PTPRG: variants seen among roughly 807,000 people sequenced by gnomAD.
PTPRG encodes protein tyrosine phosphatase receptor type G, also known as receptor-type tyrosine-protein phosphatase gamma.
Under a neutral mutation model 165.3 loss-of-function variants are expected in PTPRG, and 102 were observed. That is an observed-to-expected ratio of 0.62 (90% CI 0.53 to 0.73). The LOEUF is 0.73. Among genes scored for constraint, PTPRG ranks in the 30% least tolerant of loss-of-function variants. The pLI is 0.00. For synonymous variants in PTPRG, 675 were observed against 669.5 expected (o/e 1.01, Z -0.13); for missense variants, 1,866 against 1,861.4 (o/e 1.00, Z -0.05).
Position 62,253,662 on chromosome 3 carries a change from A to G in PTPRG, c.2468-1462A>G, listed in dbSNP as rs960489592. Reference sequence around the variant, plus strand: ...GCATTCTGCTAAATATTCTGGAGAAACATTTTGGCTCCGCTTACTCTGTTA... The same window carrying G: ...GCATTCTGCTAAATATTCTGGAGAAGCATTTTGGCTCCGCTTACTCTGTTA... On this transcript the variant is annotated intron_variant, in intron 15 of 29. Coordinates refer to ENST00000474889, the MANE Select transcript of PTPRG (RefSeq NM_002841.4). Among the ~76,000 whole-genome samples, 5 of 152,168 alleles carry G rather than the reference A, an allele frequency of 3.3e-5. No individual in the cohort carries two copies. The East Asian group carries it at 9.6e-4, about 29-fold the overall frequency.
intron 2 of PTPRG, among the ~76,000 whole-genome samples, chr3:61,779,791 A>G (rs1361116036): frequency 6.6e-6 from 1 of 152,010 alleles, no homozygotes; most frequent in Non-Finnish European, 1.5e-5. Flanking sequence ...TTGCATGCTG[A>G]CCTGCTGTCC....
intron 2 of PTPRG, among the ~76,000 whole-genome samples, chr3:61,901,261 A>C (rs2038492264): frequency 6.6e-6 from 1 of 152,228 alleles, no homozygotes; most frequent in Non-Finnish European, 1.5e-5. Context: ...TACAGATAAC[A>C]CAGTATGATG....
At chr3:61,620,627 CT>C (rs577948870) in intron 1 of PTPRG, among the ~76,000 whole-genome samples, 67 of 149,796 alleles carry the variant, frequency 4.5e-4, no homozygotes, top group Middle Eastern at 3.4e-3. Flanking sequence ...TTAACAGTTA[CT>C]TTTTTTTTTC....
At chr3:61,563,639 G>A (rs1699827218) in intron 1 of PTPRG, among the ~76,000 whole-genome samples, 1 of 152,230 alleles carries the variant, frequency 6.6e-6, no homozygotes. Flanking sequence ...ATACCCGGAG[G>A]TGGAGGTTAT....
At chr3:61,646,740 T>C (rs1266926431) in intron 1 of PTPRG, among the ~76,000 whole-genome samples, 1 of 152,088 alleles carries the variant, frequency 6.6e-6, no homozygotes, top group Non-Finnish European at 1.5e-5. Flanking sequence ...AGCATCACAA[T>C]CTAGATACAG....
At chr3:61,800,147 G>C (rs748954388) in intron 2 of PTPRG, among the ~76,000 whole-genome samples, 1 of 152,152 alleles carries the variant, frequency 6.6e-6, no homozygotes, top group Non-Finnish European at 1.5e-5. Context: ...AATATTGTGT[G>C]ACTGTGTCCA....
intron 7 of PTPRG, among the ~76,000 whole-genome samples, chr3:62,164,760 T>G (rs550177142): frequency 6.6e-5 from 10 of 152,262 alleles, no homozygotes; most frequent in African/African-American, 2.2e-4. Flanking sequence ...TTTACAGTTA[T>G]GTGACTTGTT....
chr3:62,285,530 G>T (rs1013358587), intron 28 of PTPRG, among the ~76,000 whole-genome samples: 1 of 138,530 alleles, frequency 7.2e-6, no homozygotes, highest in Admixed American at 7.2e-5. Flanking sequence ...TTGTTGGGGG[G>T]GGGGGGTCTC....
At chr3:62,034,461 T>TG (rs1699878249) in intron 4 of PTPRG, among the ~76,000 whole-genome samples, 1 of 152,206 alleles carries the variant, frequency 6.6e-6, no homozygotes, top group African/African-American at 2.4e-5. Context: ...GTTCAGAACT[T>TG]GCGTGAGGTC....
At chr3:62,124,863 C>T (rs1307373123) in intron 5 of PTPRG, among the ~76,000 whole-genome samples, 1 of 152,314 alleles carries the variant, frequency 6.6e-6, no homozygotes, top group African/African-American at 2.4e-5. Flanking sequence ...TGGCCAGAAT[C>T]TTTCATAACA....
chr3:62,104,159 T>G (rs1702392598), intron 5 of PTPRG, among the ~76,000 whole-genome samples: 2 of 152,218 alleles, frequency 1.3e-5, no homozygotes, highest in African/African-American at 2.4e-5. Flanking sequence ...AATACTGATT[T>G]GGAACCTTCT....
At chr3:61,906,034 AT>A (rs1219752555) in intron 2 of PTPRG, among the ~76,000 whole-genome samples, 1 of 152,176 alleles carries the variant, frequency 6.6e-6, no homozygotes, top group Non-Finnish European at 1.5e-5. Flanking sequence ...GGAGTTTTAT[AT>A]TTTAGGTTTT....
intron 2 of PTPRG, among the ~76,000 whole-genome samples, chr3:61,968,237 GGATATAT>G (rs769245670): frequency 3.3e-5 from 5 of 152,038 alleles, no homozygotes; most frequent in Non-Finnish European, 7.4e-5. Context: ...ATGCAATCAT[GGATATAT>G]GATTTCATAT....
At chr3:62,186,126 G>A (rs1705872843) in intron 8 of PTPRG, among the ~76,000 whole-genome samples, 2 of 152,132 alleles carry the variant, frequency 1.3e-5, no homozygotes, top group South Asian at 4.1e-4. Context: ...TACTATCGTT[G>A]CCCCAGTCGC....
rs1702980225 is a variant in PTPRG, at chr3:62,293,823, G to C, written c.*516G>C. ...CATTGTTTTCTTTTACAGACTAGCA[G>C]GCTACTGGGACCTAAAAAGGTCTGT... On this transcript the variant is annotated 3_prime_UTR_variant, in exon 30 of 30. Transcript: ENST00000474889. The C allele has an allele frequency of 6.6e-6, 1 of 152,442 alleles. No individual in the cohort carries two copies. Among genetic ancestry groups the C allele is most frequent in the African/African-American group, 2.4e-5 (1 of 41,388 alleles). 9.4% of individuals were successfully genotyped at this position (152,442 alleles called of 1,614,324 possible).
intron 8 of PTPRG, among the ~76,000 whole-genome samples, chr3:62,182,020 A>G (rs1705671700): frequency 6.6e-6 from 1 of 152,228 alleles, no homozygotes; most frequent in Non-Finnish European, 1.5e-5. Context: ...AATATGTATT[A>G]TATGCTATAT....
chr3:62,010,158 G>T (rs78265757), intron 4 of PTPRG, among the ~76,000 whole-genome samples: 1,887 of 152,222 alleles, frequency 0.012, 47 homozygotes, highest in East Asian at 0.091. Flanking sequence ...ATCTCAAGCA[G>T]TCCTCCCTCT....
At chr3:61,681,243 C>G (rs1483301486) in intron 1 of PTPRG, among the ~76,000 whole-genome samples, 1 of 152,162 alleles carries the variant, frequency 6.6e-6, no homozygotes, top group African/African-American at 2.4e-5. Context: ...ATTCCTGGAT[C>G]TGTTAAATAG....
At chr3:61,884,148 C>T (rs1274677934) in intron 2 of PTPRG, among the ~76,000 whole-genome samples, 1 of 152,152 alleles carries the variant, frequency 6.6e-6, no homozygotes, top group African/African-American at 2.4e-5. Flanking sequence ...GGGAGTTTTA[C>T]ATTTTTTCTC....
Sources: allele counts gnomAD v4.1 joint callset (sites outside exome capture counted in the v4.1 genomes callset), GRCh38; gene constraint gnomAD v4.1.1; transcripts MANE v1.5; gene names NCBI Gene and HGNC (gene_info 2026-07-23, HGNC 2026-07-21).